MEGF11: variants seen among roughly 807,000 people sequenced by gnomAD.
MEGF11 encodes the protein multiple EGF like domains 11, also known as multiple epidermal growth factor-like domains protein 11.
A neutral mutation model predicts 146.6 loss-of-function variants in MEGF11; 126 were observed. The observed-to-expected ratio is 0.86, with a 90% CI of 0.74 to 1.00. The LOEUF (loss-of-function observed/expected upper bound fraction) is 1.00. Among genes scored for constraint, MEGF11 ranks in the 50% least tolerant of loss-of-function variants. The probability of loss-of-function intolerance (pLI) is 0.00; values close to 1 mark genes in which losing one functional copy is unlikely to be tolerated. For missense variants in MEGF11, 1,509 were observed against 1,521.2 expected (o/e 0.99, Z 0.13); for synonymous variants, 532 against 583.4 (o/e 0.91, Z 1.27).
intron 1 of MEGF11, among the ~76,000 whole-genome samples, chr15:66,238,172 G>A (rs1357651638): frequency 2.6e-5 from 4 of 152,198 alleles, no homozygotes; most frequent in African/African-American, 4.8e-5. Flanking sequence ...GGCCAGCCCT[G>A]CATCCCCACT....
intron 8 of MEGF11, 94 bp from the exon 9 acceptor site, chr15:65,965,214 C>CCCTCCTGG: frequency 2.8e-6 from 3 of 1,087,246 alleles, no homozygotes; most frequent in Non-Finnish European, 4.0e-6. Context: ...GGCCATCTGG[C>CCCTCCTGG]CCAGGCCTGG....
At position 65,922,418 on chromosome 15, in the gene MEGF11, A is replaced by G; in HGVS notation, c.1877T>C (p.Val626Ala). The change falls in exon 15 of 26, where the codon GTG (valine) becomes GCG (alanine). Residue 626 changes from valine (V) to alanine (A), a missense_variant. Transcript: ENST00000395614. ...HGCAQPCPLCVHSSRPCHHIS... is the reference protein window; with the variant it reads ...HGCAQPCPLCAHSSRPCHHIS... ...GTGGTGGCAGGGCCTGCTGCTGTGC[A>G]CGCAGAGGGGGCATGGCTGGGCGCA... 6.3e-7 allele frequency: 1 copy of G among 1,592,864 alleles called. No individual in the cohort carries two copies. The highest frequency in any genetic ancestry group is 1.1e-5 in the South Asian group (1 of 87,260).
At chr15:66,128,572 A>C (rs2088495999) in intron 1 of MEGF11, 161 bp from the exon 2 acceptor site, 2 of 428,652 alleles carry the variant, frequency 4.7e-6, no homozygotes, top group Non-Finnish European at 8.1e-6. Context: ...GGAGAGTGGG[A>C]AGCCTGAGTC....
chr15:65,930,824 T>C lies in MEGF11; in HGVS notation c.1407A>G (p.Glu469=). The change falls in exon 11 of 26, where the codon GAA becomes GAG. Residue 469 remains glutamate, a splice_region_variant and synonymous_variant. Coordinates refer to ENST00000395614, the MANE Select transcript of MEGF11 (RefSeq NM_001385028.1). ...GGCTTGGGAGAGAGGGCACATTACCTTCCTTGCAGGTACAGGAGCCATCTA... is the reference window on the plus strand; with the variant it reads ...GGCTTGGGAGAGAGGGCACATTACCCTCCTTGCAGGTACAGGAGCCATCTA... ...SPVDGSCTCK[E]GWQGLDCTLP... 3 of 1,605,610 alleles carry C rather than the reference T, an allele frequency of 1.9e-6. No homozygotes were observed. Among genetic ancestry groups the C allele is most frequent in the Non-Finnish European group, 2.6e-6 (3 of 1,175,338 alleles).
chr15:66,147,971 G>A (rs1207185330), intron 1 of MEGF11, among the ~76,000 whole-genome samples: 1 of 152,178 alleles, frequency 6.6e-6, no homozygotes, highest in African/African-American at 2.4e-5. Flanking sequence ...CCATGCATGG[G>A]AGCCATGCAT....
chr15:66,185,522 A>G (rs2090671369), intron 1 of MEGF11, among the ~76,000 whole-genome samples: 1 of 152,106 alleles, frequency 6.6e-6, no homozygotes. Context: ...GTGTCAGAGG[A>G]CAATCTGGAT....
Position 66,175,247 on chromosome 15 carries a change from G to A in MEGF11, c.-8-46836C>T, listed in dbSNP as rs760534144. ...TAGTACTATGTTAAATAAGAATGGTGAAAGCAATCTACAGATCCAATGCAA... is the reference window on the plus strand; with the variant it reads ...TAGTACTATGTTAAATAAGAATGGTAAAAGCAATCTACAGATCCAATGCAA... On this transcript the variant is annotated intron_variant, in intron 1 of 25. Coordinates refer to ENST00000395614, the MANE Select transcript of MEGF11 (RefSeq NM_001385028.1). Among the ~76,000 whole-genome samples the A allele has an allele frequency of 5.3e-5, 8 of 152,064 alleles. No individual in the cohort carries two copies. The South Asian group carries it at 1.0e-3, about 20-fold the overall frequency.
chr15:65,969,168 C>T (rs533604821), intron 8 of MEGF11, among the ~76,000 whole-genome samples: 6 of 152,278 alleles, frequency 3.9e-5, no homozygotes, highest in African/African-American at 9.6e-5. Context: ...CAGGGAAAAT[C>T]GACAGCACCA....
chr15:66,005,541 G>C (rs2082496257), intron 5 of MEGF11, among the ~76,000 whole-genome samples: 1 of 152,214 alleles, frequency 6.6e-6, no homozygotes, highest in Non-Finnish European at 1.5e-5. Context: ...GGAGTGTGGA[G>C]GCTTGAGTTA....
chr15:66,146,957 G>C (rs562864929), intron 1 of MEGF11, among the ~76,000 whole-genome samples: 35 of 152,252 alleles, frequency 2.3e-4, no homozygotes, highest in Admixed American at 8.5e-4. Flanking sequence ...GCCCCCACTT[G>C]CTCACTCAGT....
chr15:65,939,916 T>C (rs1384105803), intron 10 of MEGF11, among the ~76,000 whole-genome samples: 2 of 152,236 alleles, frequency 1.3e-5, no homozygotes, highest in Non-Finnish European at 1.5e-5. Context: ...ATTTACTTGA[T>C]TGCAAGTTCC....
intron 1 of MEGF11, among the ~76,000 whole-genome samples, chr15:66,177,771 ACCTC>A (rs983097639): frequency 6.6e-6 from 1 of 151,362 alleles, no homozygotes; most frequent in African/African-American, 2.4e-5. Context: ...TGCAGCCTCA[ACCTC>A]CTGGGTTCAA....
intron 5 of MEGF11, among the ~76,000 whole-genome samples, chr15:66,045,314 C>T (rs1052938864): frequency 5.3e-5 from 8 of 152,184 alleles, no homozygotes; most frequent in Non-Finnish European, 1.0e-4. Context: ...GGCTGTAGAA[C>T]CCAGGAGGGC....
At position 66,218,979 on chromosome 15, in the gene MEGF11, C is replaced by CAAAAAAAAAAAAAAAAAAAAA. The variant is rs71139474; in HGVS notation, c.-9+34625_-9+34626insTTTTTTTTTTTTTTTTTTTTT. 1.8e-3 allele frequency among the ~76,000 whole-genome samples: 157 copies of CAAAAAAAAAAAAAAAAAAAAA among 86,794 alleles called. 14 individuals are homozygous for CAAAAAAAAAAAAAAAAAAAAA. Among genetic ancestry groups the CAAAAAAAAAAAAAAAAAAAAA allele is most frequent in the African/African-American group, 4.2e-3 (67 of 15,944 alleles). 56.9% of individuals were successfully genotyped at this position (86,794 alleles called of 152,430 possible). A position where few individuals can be genotyped will look rare whatever the true frequency, so the allele number is the denominator to read the frequency against. On this transcript the variant is annotated intron_variant, in intron 1 of 25. Transcript: ENST00000395614. ...ATCAGAACAACTGGATATCCACAGG[C>CAAAAAAAAAAAAAAAAAAAAA]AAAAAAAAAAAAAAAAACCTTAACC... is the stretch of plus-strand genomic sequence containing the variant.
At chr15:66,098,518 C>G (rs2086648477) in intron 4 of MEGF11, among the ~76,000 whole-genome samples, 1 of 152,216 alleles carries the variant, frequency 6.6e-6, no homozygotes, top group South Asian at 2.1e-4. Context: ...CGCCCCCTGG[C>G]CAACTAGCCT....
At chr15:66,237,489 G>A (rs760497961) in intron 1 of MEGF11, among the ~76,000 whole-genome samples, 38 of 152,154 alleles carry the variant, frequency 2.5e-4, no homozygotes, top group Non-Finnish European at 4.0e-4. Context: ...AATGGCTGCC[G>A]TTTTAAGGGG....
At chr15:65,946,260 G>T (rs1217772508) in intron 10 of MEGF11, among the ~76,000 whole-genome samples, 2 of 152,200 alleles carry the variant, frequency 1.3e-5, no homozygotes, top group Non-Finnish European at 2.9e-5. Flanking sequence ...ACATCCACGT[G>T]TGAGGCGAGC....
intron 1 of MEGF11, among the ~76,000 whole-genome samples, chr15:66,190,704 A>G (rs2090845440): frequency 6.6e-6 from 1 of 151,964 alleles, no homozygotes; most frequent in African/African-American, 2.4e-5. Context: ...CGGGACACAC[A>G]TGCCCTCCCT....
At chr15:66,100,513 G>A (rs1383129520) in intron 4 of MEGF11, among the ~76,000 whole-genome samples, 1 of 152,198 alleles carries the variant, frequency 6.6e-6, no homozygotes, top group Non-Finnish European at 1.5e-5. Context: ...CAAGCCGTGG[G>A]TTACTCAGGC....
Sources: allele counts gnomAD v4.1 joint callset (sites outside exome capture counted in the v4.1 genomes callset), GRCh38; gene constraint gnomAD v4.1.1; transcripts MANE v1.5; gene names NCBI Gene and HGNC (gene_info 2026-07-23, HGNC 2026-07-21).